ARHGAP26: variants seen among roughly 807,000 people sequenced by gnomAD.
ARHGAP26 encodes rho GTPase-activating protein 26.
ARHGAP26 carries 38 observed loss-of-function variants against 104.8 expected under a neutral mutation model. The observed-to-expected ratio is 0.36, with a 90% CI of 0.28 to 0.48. ARHGAP26 has a LOEUF of 0.48. Among genes scored for constraint, ARHGAP26 ranks in the 20% least tolerant of loss-of-function variants. ARHGAP26 has a pLI of 0.99. For synonymous variants in ARHGAP26, 341 were observed against 340.0 expected (o/e 1.00, Z -0.03); for missense variants, 704 against 947.9 (o/e 0.74, Z 3.38).
intron 22 of ARHGAP26, among the ~76,000 whole-genome samples, chr5:143,214,519 T>C (rs1444152270): frequency 2.0e-5 from 3 of 152,252 alleles, no homozygotes; most frequent in Non-Finnish European, 4.4e-5. Context: ...CCTGATGCTC[T>C]CATAGTTCAC....
At chr5:143,039,595 A>C (rs1783154237) in intron 13 of ARHGAP26, among the ~76,000 whole-genome samples, 1 of 152,102 alleles carries the variant, frequency 6.6e-6, no homozygotes, top group Non-Finnish European at 1.5e-5. Context: ...GTAGAGGCAC[A>C]AAAATGGAGC....
chr5:143,208,602 G>A (rs895936960), intron 21 of ARHGAP26, among the ~76,000 whole-genome samples: 4 of 152,184 alleles, frequency 2.6e-5, no homozygotes, highest in Admixed American at 2.0e-4. Context: ...AACACAGGGA[G>A]GTGACTTGGA....
At chr5:143,099,480 G>A (rs1320001859) in intron 17 of ARHGAP26, among the ~76,000 whole-genome samples, 1 of 152,172 alleles carries the variant, frequency 6.6e-6, no homozygotes, top group Non-Finnish European at 1.5e-5. Context: ...TCATTGAAAG[G>A]ATGGACGAGA....
chr5:142,773,007 C>T (rs1012564780), intron 1 of ARHGAP26, among the ~76,000 whole-genome samples: 7 of 152,052 alleles, frequency 4.6e-5, no homozygotes, highest in African/African-American at 1.7e-4. Flanking sequence ...TGATGGGGAT[C>T]TCGGTGTTCT....
At chr5:142,843,287 T>A (rs868450261) in intron 1 of ARHGAP26, among the ~76,000 whole-genome samples, 15 of 152,284 alleles carry the variant, frequency 9.9e-5, no homozygotes, top group African/African-American at 3.4e-4. Flanking sequence ...GCAAAGAGTG[T>A]GATCACTCCT....
intron 17 of ARHGAP26, among the ~76,000 whole-genome samples, chr5:143,105,204 T>C (rs1793815847): frequency 6.6e-6 from 1 of 151,962 alleles, no homozygotes; most frequent in South Asian, 2.1e-4. Flanking sequence ...GGAGAAACCC[T>C]GTCTCTACTA....
Position 142,796,453 on chromosome 5 carries a change from A to G in ARHGAP26, c.154+25538A>G, listed in dbSNP as rs148826923. On this transcript the variant is annotated intron_variant, in intron 1 of 22. Coordinates refer to ENST00000645722, the MANE Select transcript of ARHGAP26 (RefSeq NM_001135608.3). Reference sequence around the variant, plus strand: ...TGATTATAATCGCTGGTTAAAAGAGATGATGTACTGCTATTAAAATTCCCA... The same window carrying G: ...TGATTATAATCGCTGGTTAAAAGAGGTGATGTACTGCTATTAAAATTCCCA... Among the ~76,000 whole-genome samples, 12 of 152,306 alleles carry G rather than the reference A, an allele frequency of 7.9e-5. No homozygotes were observed. The East Asian group carries it at 2.1e-3, about 27-fold the overall frequency.
At chr5:142,984,826 A>T (rs769962184) in intron 11 of ARHGAP26, among the ~76,000 whole-genome samples, 1 of 152,216 alleles carries the variant, frequency 6.6e-6, no homozygotes, top group Non-Finnish European at 1.5e-5. Flanking sequence ...AGTAGAGCAC[A>T]TGCAATACTT....
intron 1 of ARHGAP26, among the ~76,000 whole-genome samples, chr5:142,841,690 C>T (rs1770841456): frequency 6.6e-6 from 1 of 152,220 alleles, no homozygotes; most frequent in African/African-American, 2.4e-5. Context: ...TTCATCTTGG[C>T]TCCTGCTTTT....
intron 11 of ARHGAP26, among the ~76,000 whole-genome samples, chr5:142,990,461 C>G (rs1023229279): frequency 1.3e-5 from 2 of 152,196 alleles, no homozygotes; most frequent in African/African-American, 2.4e-5. Flanking sequence ...CTTCTCTCAA[C>G]TTGTCAAAGT....
At chr5:142,880,295 A>T (rs959668946) in intron 4 of ARHGAP26, among the ~76,000 whole-genome samples, 2 of 152,202 alleles carry the variant, frequency 1.3e-5, no homozygotes, top group African/African-American at 4.8e-5. Flanking sequence ...CTAGGTGGGC[A>T]GATCACGAGG....
intron 17 of ARHGAP26, among the ~76,000 whole-genome samples, chr5:143,096,495 A>G (rs1032203942): frequency 1.3e-5 from 2 of 152,216 alleles, no homozygotes; most frequent in African/African-American, 4.8e-5. Flanking sequence ...TTACGTTTAC[A>G]TGGTGTTTCA....
At chr5:143,098,316 A>G (rs190729996) in intron 17 of ARHGAP26, among the ~76,000 whole-genome samples, 9 of 152,320 alleles carry the variant, frequency 5.9e-5, no homozygotes, top group Admixed American at 3.3e-4. Context: ...CAATTCCGCA[A>G]TGTCATTTTA....
At chr5:143,049,018 A>G (rs1784622606) in intron 14 of ARHGAP26, among the ~76,000 whole-genome samples, 1 of 152,002 alleles carries the variant, frequency 6.6e-6, no homozygotes, top group South Asian at 2.1e-4. Context: ...TTTTCCTCTA[A>G]TACTTATCCA....
At chr5:143,045,503 G>A (rs1784091360) in intron 14 of ARHGAP26, among the ~76,000 whole-genome samples, 1 of 152,196 alleles carries the variant, frequency 6.6e-6, no homozygotes, top group South Asian at 2.1e-4. Flanking sequence ...TACTGGTAGT[G>A]TCTGGGCTAG....
intron 17 of ARHGAP26, among the ~76,000 whole-genome samples, chr5:143,093,087 C>G (rs1791705012): frequency 6.6e-6 from 1 of 150,976 alleles, no homozygotes; most frequent in Admixed American, 6.6e-5. Flanking sequence ...GTTAAATCAT[C>G]TTTTTCTAAC....
At chr5:143,082,883 C>T (rs1025592954) in intron 17 of ARHGAP26, among the ~76,000 whole-genome samples, 1 of 152,174 alleles carries the variant, frequency 6.6e-6, no homozygotes, top group Non-Finnish European at 1.5e-5. Flanking sequence ...TTCTACAGAA[C>T]GTCACGGGTT....
intron 14 of ARHGAP26, among the ~76,000 whole-genome samples, chr5:143,050,281 T>C (rs1331299244): frequency 1.3e-5 from 2 of 152,352 alleles, no homozygotes; most frequent in Admixed American, 1.3e-4. Context: ...TTTACCATGA[T>C]GATAAAGGAC....
At chr5:143,176,461 C>T (rs1316571681) in intron 20 of ARHGAP26, among the ~76,000 whole-genome samples, 1 of 152,208 alleles carries the variant, frequency 6.6e-6, no homozygotes, top group African/African-American at 2.4e-5. Flanking sequence ...AGCACCATGG[C>T]ATGTTTGTTT....
Sources: allele counts gnomAD v4.1 joint callset (sites outside exome capture counted in the v4.1 genomes callset), GRCh38; gene constraint gnomAD v4.1.1; transcripts MANE v1.5; gene names NCBI Gene and HGNC (gene_info 2026-07-23, HGNC 2026-07-21).